The following SNX29 variants were observed in gnomAD, a reference collection of about 807,000 sequenced individuals.
The protein encoded by SNX29 is sorting nexin-29.
SNX29 carries 78 observed loss-of-function variants against 102.1 expected under a neutral mutation model. That is an observed-to-expected ratio of 0.76 (90% CI 0.64 to 0.92). The LOEUF (loss-of-function observed/expected upper bound fraction) is 0.92. SNX29 is among the 40% of genes least tolerant of loss of function. SNX29 has a pLI of 0.00. For synonymous variants in SNX29, 580 were observed against 414.5 expected, an observed-to-expected ratio of 1.40 and a Z score of -4.85; for missense variants, 1,280 against 1,061.7, an observed-to-expected ratio of 1.21 and a Z score of -2.86.
chr16:12,550,598 C>T (rs1213073740), intron 20 of SNX29, among the ~76,000 whole-genome samples: 1 of 151,368 alleles, frequency 6.6e-6, no homozygotes, highest in Non-Finnish European at 1.5e-5. Context: ...TACATACGTG[C>T]TTCTATGTGT....
At chr16:12,317,401 C>T (rs1425984106) in intron 15 of SNX29, among the ~76,000 whole-genome samples, 8 of 152,192 alleles carry the variant, frequency 5.3e-5, no homozygotes, top group Non-Finnish European at 1.2e-4. Context: ...ATAAGCTGTC[C>T]TTACAATGGG....
chr16:11,980,409 C>G (rs2055388644), intron 1 of SNX29, among the ~76,000 whole-genome samples: 1 of 152,254 alleles, frequency 6.6e-6, no homozygotes, highest in South Asian at 2.1e-4. Context: ...ATTCATGCAT[C>G]AAAAATGGGC....
chr16:12,070,254 G>A (rs2051232968), intron 10 of SNX29, among the ~76,000 whole-genome samples: 1 of 151,154 alleles, frequency 6.6e-6, no homozygotes, highest in Non-Finnish European at 1.5e-5. Flanking sequence ...GTATACATGT[G>A]CCATGCTGGT....
chr16:12,205,306 A>G (rs1567309830), intron 14 of SNX29, among the ~76,000 whole-genome samples: 1 of 152,192 alleles, frequency 6.6e-6, no homozygotes, highest in Admixed American at 6.5e-5. Flanking sequence ...TGCAAGGAAT[A>G]ACAATCCACC....
At chr16:11,980,045 C>T (rs2055380889) in intron 1 of SNX29, among the ~76,000 whole-genome samples, 1 of 152,178 alleles carries the variant, frequency 6.6e-6, no homozygotes, top group Non-Finnish European at 1.5e-5. Context: ...CTCTCCCTCA[C>T]CTCCTGTTTA....
intron 18 of SNX29, among the ~76,000 whole-genome samples, chr16:12,417,074 C>T (rs1328295982): frequency 6.6e-6 from 1 of 152,248 alleles, no homozygotes; most frequent in Non-Finnish European, 1.5e-5. Flanking sequence ...CCAGGTGCAG[C>T]CAGGGTGCCA....
chr16:12,277,258 C>G (rs35818743), intron 14 of SNX29, among the ~76,000 whole-genome samples: 93,235 of 151,874 alleles, frequency 0.61, 29,478 homozygotes, highest in African/African-American at 0.74. Flanking sequence ...AACTAGCCTG[C>G]TGCAGCAGGG....
intron 20 of SNX29, among the ~76,000 whole-genome samples, chr16:12,564,319 T>C (rs73512015): frequency 0.01 from 1,571 of 152,286 alleles, 30 homozygotes; most frequent in African/African-American, 0.035. Context: ...TTCACTAGTG[T>C]CTCTTACCTT....
chr16:12,356,161 A>G lies in SNX29; in HGVS notation c.1783-2A>G. Reference sequence around the variant, plus strand: ...CCTCACCTTTCCGTGCTTGTGTTCCAGGTGGCAGAGATGCATGGCGAGCTG... The same window carrying G: ...CCTCACCTTTCCGTGCTTGTGTTCCGGGTGGCAGAGATGCATGGCGAGCTG... On this transcript the variant is annotated splice_acceptor_variant, in intron 15 of 20. Transcript: ENST00000566228. LOFTEE classifies it high-confidence loss of function. 6.2e-7 allele frequency: 1 copy of G among 1,611,520 alleles called. No individual in the cohort carries two copies. The highest frequency in any genetic ancestry group is 1.1e-5 in the South Asian group (1 of 90,438).
chr16:12,272,045 G>A (rs950368233), intron 14 of SNX29, among the ~76,000 whole-genome samples: 3 of 152,208 alleles, frequency 2.0e-5, no homozygotes, highest in African/African-American at 4.8e-5. Flanking sequence ...AACCAGGGCA[G>A]CAAGGAAGTC....
intron 15 of SNX29, among the ~76,000 whole-genome samples, chr16:12,287,701 A>G (rs2079643785): frequency 6.6e-6 from 1 of 152,208 alleles, no homozygotes; most frequent in African/African-American, 2.4e-5. Context: ...GAGTGTTCAA[A>G]TTTGTAGTTT....
chr16:12,205,370 T>G (rs2077018923), intron 14 of SNX29, among the ~76,000 whole-genome samples: 1 of 152,210 alleles, frequency 6.6e-6, no homozygotes, highest in Non-Finnish European at 1.5e-5. Flanking sequence ...TGGAACCTCA[T>G]AAATCCCGTC....
intron 16 of SNX29, among the ~76,000 whole-genome samples, chr16:12,389,361 G>A (rs188752338): frequency 8.6e-5 from 13 of 152,038 alleles, no homozygotes; most frequent in Admixed American, 7.9e-4. Flanking sequence ...ATCGAATCAC[G>A]GGGGCGGTTT....
chr16:12,455,542 G>T (rs2086499345), intron 18 of SNX29, among the ~76,000 whole-genome samples: 1 of 152,210 alleles, frequency 6.6e-6, no homozygotes. Context: ...TTCCCTCCCT[G>T]AGTTGTGGAT....
chr16:12,216,948 A>G (rs2077341463), intron 14 of SNX29, among the ~76,000 whole-genome samples: 1 of 152,224 alleles, frequency 6.6e-6, no homozygotes, highest in Non-Finnish European at 1.5e-5. Flanking sequence ...TTTTCCACCT[A>G]GGTGGCCAAG....
intron 11 of SNX29, among the ~76,000 whole-genome samples, chr16:12,102,219 G>A (rs542712614): frequency 6.6e-6 from 1 of 152,272 alleles, no homozygotes; most frequent in East Asian, 1.9e-4. Flanking sequence ...TAGTGCCGCA[G>A]TAAACATCCG....
At chr16:12,191,622 C>T (rs549125423) in intron 13 of SNX29, among the ~76,000 whole-genome samples, 3 of 152,276 alleles carry the variant, frequency 2.0e-5, no homozygotes, top group Admixed American at 6.5e-5. Flanking sequence ...CAGCAACAGG[C>T]TAAAGGAGTT....
chr16:12,205,904 T>C (rs1199968405), intron 14 of SNX29, among the ~76,000 whole-genome samples: 5 of 152,260 alleles, frequency 3.3e-5, no homozygotes, highest in African/African-American at 7.2e-5. Context: ...TATAAATGTT[T>C]ATAACATAAA....
At chr16:12,559,903 C>G (rs536999491) in intron 20 of SNX29, among the ~76,000 whole-genome samples, 1 of 152,146 alleles carries the variant, frequency 6.6e-6, no homozygotes, top group African/African-American at 2.4e-5. Flanking sequence ...GGCATGAATG[C>G]AGGAGGTGGA....
Sources: gnomAD v4.1 joint callset for allele counts (sites outside exome capture counted in the v4.1 genomes callset) on GRCh38, gnomAD v4.1.1 for gene constraint, MANE v1.5 for transcripts, NCBI Gene and HGNC (gene_info 2026-07-23, HGNC 2026-07-21) for gene names.